RAPGEF1: variants seen among roughly 807,000 people sequenced by gnomAD.
The protein encoded by RAPGEF1 is Rap guanine nucleotide exchange factor 1.
RAPGEF1 carries 33 observed loss-of-function variants against 143.3 expected under a neutral mutation model. The ratio of observed to expected loss-of-function variants is 0.23; its 90% CI spans 0.17 to 0.31. RAPGEF1 has a LOEUF of 0.31. Among genes scored for constraint, RAPGEF1 ranks in the 10% least tolerant of loss-of-function variants. RAPGEF1 has a pLI of 1.00. For synonymous variants in RAPGEF1, 629 were observed against 676.5 expected, an observed-to-expected ratio of 0.93 and a Z score of 1.09; for missense variants, 1,199 against 1,645.4, an observed-to-expected ratio of 0.73 and a Z score of 4.69.
At chr9:131,714,328 GA>G (rs1835708955) in intron 1 of RAPGEF1, among the ~76,000 whole-genome samples, 1 of 151,656 alleles carries the variant, frequency 6.6e-6, no homozygotes, top group African/African-American at 2.4e-5. Flanking sequence ...TCTTGAAGGA[GA>G]TTTTTTTTTT....
chr9:131,620,726 C>T (rs1329697151), intron 11 of RAPGEF1, among the ~76,000 whole-genome samples: 2 of 152,156 alleles, frequency 1.3e-5, no homozygotes, highest in Non-Finnish European at 1.5e-5. Context: ...TAGCCACAGC[C>T]CACTGAGTAT....
At chr9:131,625,764 C>A (rs115941416) in intron 10 of RAPGEF1, among the ~76,000 whole-genome samples, 158 bp downstream of exon 10, 2 of 152,200 alleles carry the variant, frequency 1.3e-5, no homozygotes, top group East Asian at 1.9e-4. Flanking sequence ...CGTGTAATGA[C>A]AAAACCTGGC....
chr9:131,621,731 T>A lies in RAPGEF1; in HGVS notation c.1905+65A>T. ...GGGTTAACCCTGCCCCCAAGGAGGG[T>A]CATTCTGGTTCCTAGAGACCTGCTA... On this transcript the variant is annotated intron_variant, in intron 11 of 26. Coordinates refer to ENST00000683357, the MANE Select transcript of RAPGEF1 (RefSeq NM_001377935.1). This position sits in a 1 kb window ranked among gnomAD's most constrained non-coding sequence, Gnocchi z 4.5. The A allele has an allele frequency of 6.7e-7, 1 of 1,482,442 alleles. No individual in the cohort carries two copies. The highest frequency in any genetic ancestry group is 9.1e-7 in the Non-Finnish European group (1 of 1,093,742). The allele number at this position is 1,482,442 out of a possible 1,614,324, so 91.8% of individuals were successfully genotyped here. A position where few individuals can be genotyped will look rare whatever the true frequency, so the allele number is the denominator to read the frequency against.
intron 1 of RAPGEF1, among the ~76,000 whole-genome samples, chr9:131,688,363 C>T (rs1833519502): frequency 6.6e-6 from 1 of 152,120 alleles, no homozygotes; most frequent in African/African-American, 2.4e-5. Context: ...ATACATAAAC[C>T]AAATAAACAG....
intron 1 of RAPGEF1, among the ~76,000 whole-genome samples, chr9:131,690,076 C>T (rs1383480027): frequency 6.6e-6 from 1 of 152,008 alleles, no homozygotes; most frequent in Non-Finnish European, 1.5e-5. Context: ...AGAAATGGTG[C>T]TCATGTACAA....
intron 1 of RAPGEF1, among the ~76,000 whole-genome samples, chr9:131,723,645 A>G (rs1836430430): frequency 6.6e-6 from 1 of 152,208 alleles, no homozygotes; most frequent in South Asian, 2.1e-4. Context: ...TCCATGTATG[A>G]ACAGCCCACG....
intron 12 of RAPGEF1, among the ~76,000 whole-genome samples, chr9:131,609,931 C>T (rs1242980286): frequency 6.6e-6 from 1 of 152,218 alleles, no homozygotes; most frequent in Non-Finnish European, 1.5e-5. Context: ...GGGTCTCGCT[C>T]TGTCACCCAG....
At chr9:131,610,747 G>A (rs941177381) in intron 12 of RAPGEF1, among the ~76,000 whole-genome samples, 2 of 152,214 alleles carry the variant, frequency 1.3e-5, no homozygotes, top group South Asian at 2.1e-4. Context: ...AGGGGACTGT[G>A]AGCCTCAAAG....
At chr9:131,616,439 C>G (rs183189034) in intron 12 of RAPGEF1, among the ~76,000 whole-genome samples, 2 of 152,286 alleles carry the variant, frequency 1.3e-5, no homozygotes, top group Admixed American at 1.3e-4. Flanking sequence ...TCTTTTGCAA[C>G]CCGGCCTGGA....
rs546727778 is a variant in RAPGEF1, at chr9:131,674,905, CT to C, written c.62-23957del. Among the ~76,000 whole-genome samples, 252 of 152,220 alleles carry C rather than the reference CT, an allele frequency of 1.7e-3. 2 individuals carry two copies. The highest frequency in any genetic ancestry group is 5.9e-3 in the African/African-American group (245 of 41,548). On this transcript the variant is annotated intron_variant, in intron 1 of 26. Transcript: ENST00000683357. ...GCTACACAAGTGAGGCCAAAGACCC[CT>C]AACCAAGTCTGGAGAGAGGGGTGGG... is the stretch of plus-strand genomic sequence containing the variant.
intron 9 of RAPGEF1, 115 bp downstream of exon 9, chr9:131,627,798 G>T: frequency 9.0e-7 from 1 of 1,115,296 alleles, no homozygotes; most frequent in Non-Finnish European, 1.3e-6. Flanking sequence ...TTTTAAACAA[G>T]TCAGCCAAAG....
At chr9:131,676,545 G>A (rs1832388650) in intron 1 of RAPGEF1, among the ~76,000 whole-genome samples, 1 of 152,224 alleles carries the variant, frequency 6.6e-6, no homozygotes, top group Non-Finnish European at 1.5e-5. Context: ...GGCTGGTGCA[G>A]CTAACACATA....
intron 19 of RAPGEF1, 55 bp from the exon 20 acceptor site, chr9:131,589,041 T>A: frequency 6.5e-7 from 1 of 1,548,370 alleles, no homozygotes; most frequent in Non-Finnish European, 8.8e-7. Flanking sequence ...CCAGGCAGAG[T>A]CTGTCTTTGC....
At chr9:131,721,067 A>G (rs867487608) in intron 1 of RAPGEF1, among the ~76,000 whole-genome samples, 23 of 152,070 alleles carry the variant, frequency 1.5e-4, no homozygotes, top group Middle Eastern at 3.4e-3. Context: ...CCCATGGGAG[A>G]ACGGAGCCCC....
At position 131,584,482 on chromosome 9, in the gene RAPGEF1, A is replaced by G; in HGVS notation, c.3312+36T>C. 3 of 1,613,040 alleles carry G rather than the reference A, an allele frequency of 1.9e-6. No individual in the cohort carries two copies. The highest frequency in any genetic ancestry group is 2.5e-6 in the Non-Finnish European group (3 of 1,178,974). On this transcript the variant is annotated intron_variant, in intron 23 of 26. Transcript: ENST00000683357. This position sits in a 1 kb window ranked among gnomAD's most constrained non-coding sequence, Gnocchi z 6.8. ...TCCCGGGCTCCCAGAGCAGGGACTG[A>G]TGATGGGGGCCTGGGAAGGACTTGG...
intron 1 of RAPGEF1, among the ~76,000 whole-genome samples, chr9:131,738,813 A>G (rs536522151): frequency 6.6e-6 from 1 of 152,306 alleles, no homozygotes; most frequent in South Asian, 2.1e-4. Context: ...CACCCCACAG[A>G]AGTATCCCAG....
intron 1 of RAPGEF1, among the ~76,000 whole-genome samples, chr9:131,652,378 T>A (rs765252701): frequency 1.3e-5 from 2 of 152,090 alleles, no homozygotes; most frequent in African/African-American, 2.4e-5. Flanking sequence ...GCCTCTCGAG[T>A]GGCTAGGACT....
chr9:131,630,369 CT>C lies in RAPGEF1; in HGVS notation c.652-46del, dbSNP rs144239332. 7.2e-5 allele frequency: 114 copies of C among 1,592,500 alleles called. No individual in the cohort carries two copies. The African/African-American group carries it at 1.4e-3, about 20-fold the overall frequency. ...GCAATGAGCAAAGCTCCCGTCACCA[CT>C]GAGTTTCCACCAGAAGGCAGGCAGG... On this transcript the variant is annotated intron_variant, in intron 5 of 26. Transcript: ENST00000683357.
chr9:131,737,173 G>T (rs1461745251), intron 1 of RAPGEF1, among the ~76,000 whole-genome samples: 2 of 152,150 alleles, frequency 1.3e-5, no homozygotes, highest in Non-Finnish European at 2.9e-5. Context: ...CAATCTGCAG[G>T]CGAGGTCCTG....
Sources: gnomAD v4.1 joint callset for allele counts (sites outside exome capture counted in the v4.1 genomes callset) on GRCh38, gnomAD v4.1.1 for gene constraint, Gnocchi (gnomAD v3.1) non-coding constraint, MANE v1.5 for transcripts, NCBI Gene and HGNC (gene_info 2026-07-23, HGNC 2026-07-21) for gene names.